Variants in FSTL5 observed in about 807,000 individuals in gnomAD.
FSTL5 encodes the protein follistatin like 5, also known as follistatin-related protein 5.
Under a neutral mutation model 89.1 loss-of-function variants are expected in FSTL5, and 62 were observed. That is an observed-to-expected ratio of 0.70 (90% CI 0.57 to 0.86). The LOEUF (loss-of-function observed/expected upper bound fraction) is 0.86. FSTL5 is among the 40% of genes least tolerant of loss of function. The pLI, the probability that FSTL5 is intolerant of heterozygous loss-of-function variation, is 0.00. For missense variants in FSTL5, 1,057 were observed against 1,001.6 expected (o/e 1.06, Z -0.75); for synonymous variants, 383 against 346.2 (o/e 1.11, Z -1.18).
chr4:161,674,464 A>T (rs1231441807), intron 6 of FSTL5, among the ~76,000 whole-genome samples: 1 of 152,168 alleles, frequency 6.6e-6, no homozygotes, highest in African/African-American at 2.4e-5. Flanking sequence ...GATGTGAAAC[A>T]TACTAAAAAT....
At chr4:161,817,908 G>T (rs943602162) in intron 4 of FSTL5, among the ~76,000 whole-genome samples, 3 of 151,866 alleles carry the variant, frequency 2.0e-5, no homozygotes, top group Non-Finnish European at 4.4e-5. Flanking sequence ...GAGTTGGGAG[G>T]GAAAGGGAAG....
At chr4:161,823,106 G>A (rs138042018) in intron 4 of FSTL5, among the ~76,000 whole-genome samples, 76 of 152,244 alleles carry the variant, frequency 5.0e-4, no homozygotes, top group African/African-American at 1.8e-3. Context: ...ACTGATTTAT[G>A]GCTGGCCATT....
intron 3 of FSTL5, among the ~76,000 whole-genome samples, chr4:162,003,130 C>A (rs1031356817): frequency 6.6e-6 from 1 of 151,820 alleles, no homozygotes; most frequent in Non-Finnish European, 1.5e-5. Flanking sequence ...GGGGACAGAG[C>A]AAGACTCCGT....
chr4:161,397,830 G>T (rs1228962219), intron 15 of FSTL5, among the ~76,000 whole-genome samples: 3 of 151,584 alleles, frequency 2.0e-5, no homozygotes, highest in Non-Finnish European at 4.4e-5. Context: ...AACAAGAAAA[G>T]AACTGAAAAG....
Position 162,102,208 on chromosome 4 carries a change from A to G in FSTL5, c.126+9063T>C, listed in dbSNP as rs1262878977. Among the ~76,000 whole-genome samples the G allele has an allele frequency of 6.6e-5, 10 of 152,218 alleles. No individual in the cohort carries two copies. In the East Asian group the frequency reaches 1.9e-3, roughly 29 times the overall value. ...ACTTTGGAAGTCCAACAGAAAAAAAAAATAAACAGTAGCCTGCTTAACTCA... is the reference window on the plus strand; with the variant it reads ...ACTTTGGAAGTCCAACAGAAAAAAAGAATAAACAGTAGCCTGCTTAACTCA... On this transcript the variant is annotated intron_variant, in intron 2 of 15. Coordinates refer to ENST00000306100, the MANE Select transcript of FSTL5 (RefSeq NM_020116.5).
chr4:161,588,026 T>C (rs778501631), intron 7 of FSTL5, among the ~76,000 whole-genome samples: 2 of 151,932 alleles, frequency 1.3e-5, no homozygotes, highest in Non-Finnish European at 2.9e-5. Context: ...ATACGTAAAT[T>C]AGCTGTGTGT....
intron 6 of FSTL5, among the ~76,000 whole-genome samples, chr4:161,717,281 T>C (rs78999220): frequency 0.032 from 4,839 of 152,244 alleles, 235 homozygotes; most frequent in African/African-American, 0.11. Flanking sequence ...CTGGGTGAAA[T>C]ACTTAGACTG....
At chr4:161,514,022 T>C (rs994552581) in intron 10 of FSTL5, among the ~76,000 whole-genome samples, 5 of 152,074 alleles carry the variant, frequency 3.3e-5, no homozygotes, top group Non-Finnish European at 7.4e-5. Flanking sequence ...ATGATATTAG[T>C]TTGTCAATTA....
intron 6 of FSTL5, among the ~76,000 whole-genome samples, chr4:161,688,928 T>G (rs1737833037): frequency 6.6e-6 from 1 of 152,188 alleles, no homozygotes; most frequent in South Asian, 2.1e-4. Flanking sequence ...TTTCTGCCCT[T>G]GTTTCTTACT....
chr4:161,975,809 A>AT (rs1245851301), intron 3 of FSTL5, among the ~76,000 whole-genome samples: 1 of 147,842 alleles, frequency 6.8e-6, no homozygotes, highest in African/African-American at 2.5e-5. Context: ...TAAAAAATAA[A>AT]TAAAAAAAAG....
At chr4:161,877,978 T>C (rs1185806467) in intron 4 of FSTL5, among the ~76,000 whole-genome samples, 3 of 100,042 alleles carry the variant, frequency 3.0e-5, no homozygotes, top group Non-Finnish European at 6.6e-5. Flanking sequence ...TTTAGGTGCA[T>C]ATATTTATAT....
chr4:162,040,412 A>T (rs1368703449), intron 2 of FSTL5, among the ~76,000 whole-genome samples: 1 of 152,022 alleles, frequency 6.6e-6, no homozygotes, highest in Admixed American at 6.6e-5. Flanking sequence ...ACTCATGAAC[A>T]TGTGAGCTTC....
chr4:162,153,728 G>GTGTAT (rs1561049040), intron 1 of FSTL5, among the ~76,000 whole-genome samples: 4 of 83,868 alleles, frequency 4.8e-5, no homozygotes, highest in Non-Finnish European at 9.8e-5. Flanking sequence ...AATAATATAT[G>GTGTAT]TATATATGTA....
At chr4:161,888,356 A>G (rs1732881044) in intron 4 of FSTL5, among the ~76,000 whole-genome samples, 1 of 152,108 alleles carries the variant, frequency 6.6e-6, no homozygotes, top group Admixed American at 6.6e-5. Context: ...GTAGAGGCCC[A>G]AGACCAAGGA....
intron 2 of FSTL5, among the ~76,000 whole-genome samples, chr4:162,104,414 C>A (rs556084264): frequency 6.6e-6 from 1 of 152,290 alleles, no homozygotes; most frequent in South Asian, 2.1e-4. Context: ...CTCCGGCTAC[C>A]ATCTTGGAAG....
chr4:161,843,982 A>G (rs1028511576), intron 4 of FSTL5, among the ~76,000 whole-genome samples: 1 of 152,206 alleles, frequency 6.6e-6, no homozygotes, highest in African/African-American at 2.4e-5. Flanking sequence ...GCACAGCAAA[A>G]GAAACTACCA....
chr4:161,413,254 C>CAAAAAAA (rs869030539), intron 15 of FSTL5, among the ~76,000 whole-genome samples: 1 of 9,676 alleles, frequency 1.0e-4, no homozygotes, highest in African/African-American at 4.0e-4. Flanking sequence ...AGACACTTCT[C>CAAAAAAA]AAAAAAAAAA....
At chr4:162,000,606 A>T (rs1736435742) in intron 3 of FSTL5, among the ~76,000 whole-genome samples, 1 of 151,742 alleles carries the variant, frequency 6.6e-6, no homozygotes, top group African/African-American at 2.4e-5. Flanking sequence ...TAAAAAAAAA[A>T]AAAACAAAAA....
intron 4 of FSTL5, among the ~76,000 whole-genome samples, chr4:161,835,351 TAG>T (rs1731001681): frequency 6.6e-6 from 1 of 152,084 alleles, no homozygotes; most frequent in African/African-American, 2.4e-5. Context: ...ATAAAAACCC[TAG>T]AAGAAAACCT....
Sources: gnomAD v4.1 joint callset for allele counts (sites outside exome capture counted in the v4.1 genomes callset) on GRCh38, gnomAD v4.1.1 for gene constraint, MANE v1.5 for transcripts, NCBI Gene and HGNC (gene_info 2026-07-23, HGNC 2026-07-21) for gene names.